Variants in CDH13 observed in about 807,000 individuals in gnomAD.
CDH13 encodes cadherin-13.
Under a neutral mutation model 63.8 loss-of-function variants are expected in CDH13, and 24 were observed. The ratio of observed to expected loss-of-function variants is 0.38; its 90% CI spans 0.27 to 0.53. The LOEUF (loss-of-function observed/expected upper bound fraction) is 0.53. Ranked by LOEUF, CDH13 falls within the 20% of genes least tolerant of loss-of-function variation. The pLI is 0.85. For missense variants in CDH13, 1,049 were observed against 903.1 expected, an observed-to-expected ratio of 1.16 and a Z score of -2.07; for synonymous variants, 503 against 355.3, an observed-to-expected ratio of 1.42 and a Z score of -4.67.
At chr16:83,433,301 G>A (rs2072182636) in intron 6 of CDH13, among the ~76,000 whole-genome samples, 1 of 152,190 alleles carries the variant, frequency 6.6e-6, no homozygotes, top group Non-Finnish European at 1.5e-5. Context: ...ACTGTAAAAT[G>A]AGGGAAATAA....
At chr16:83,496,070 A>T (rs562414560) in intron 7 of CDH13, among the ~76,000 whole-genome samples, 6 of 151,796 alleles carry the variant, frequency 4.0e-5, no homozygotes, top group Non-Finnish European at 8.8e-5. Context: ...ATATCGTGAA[A>T]ATGGCCATAC....
chr16:82,712,660 C>T (rs1039072848), intron 1 of CDH13, among the ~76,000 whole-genome samples: 1 of 152,164 alleles, frequency 6.6e-6, no homozygotes, highest in Non-Finnish European at 1.5e-5. Flanking sequence ...GTTTAATTCC[C>T]CTGCCCCTTT....
intron 6 of CDH13, among the ~76,000 whole-genome samples, chr16:83,447,540 G>A (rs1362597719): frequency 2.0e-5 from 3 of 152,044 alleles, no homozygotes; most frequent in African/African-American, 7.2e-5. Context: ...AAACACCATT[G>A]GTGCTGTTTG....
At chr16:83,663,259 G>A (rs147444288) in intron 8 of CDH13, among the ~76,000 whole-genome samples, 1 of 152,310 alleles carries the variant, frequency 6.6e-6, no homozygotes, top group Non-Finnish European at 1.5e-5. Context: ...TAGTACCACT[G>A]TTTTCAGCAG....
chr16:83,464,971 A>G (rs2073272375), intron 6 of CDH13, among the ~76,000 whole-genome samples: 1 of 152,328 alleles, frequency 6.6e-6, no homozygotes, highest in Non-Finnish European at 1.5e-5. Context: ...ATTGCAGGAT[A>G]TCAAGTCTGG....
chr16:83,555,218 C>T (rs1285831333), intron 7 of CDH13, among the ~76,000 whole-genome samples: 1 of 152,120 alleles, frequency 6.6e-6, no homozygotes, highest in Admixed American at 6.5e-5. Context: ...TTATGGAGAC[C>T]ATGGTTTGTA....
At chr16:82,643,313 T>G (rs1488497308) in intron 1 of CDH13, among the ~76,000 whole-genome samples, 2 of 152,226 alleles carry the variant, frequency 1.3e-5, no homozygotes, top group Non-Finnish European at 2.9e-5. Flanking sequence ...ACCACCTGTC[T>G]TACAGTTGTT....
intron 2 of CDH13, among the ~76,000 whole-genome samples, chr16:82,932,989 T>C (rs2042547575): frequency 6.6e-6 from 1 of 152,196 alleles, no homozygotes; most frequent in Non-Finnish European, 1.5e-5. Flanking sequence ...AATTTTAATA[T>C]CAGTATATTG....
rs182604432 is a variant in CDH13 at position 83,686,399 on chromosome 16, A to G, written c.1538+7938A>G. On this transcript the variant is annotated intron_variant, in intron 10 of 13. Transcript: ENST00000567109. ...TTAGGCACAGGACTAAGACCTTCAG[A>G]CTTTCCACGGGCCTACAAAAATGTC... is the stretch of plus-strand genomic sequence containing the variant. 4.9e-3 allele frequency among the ~76,000 whole-genome samples: 743 copies of G among 152,326 alleles called. 30 individuals are homozygous for G. Among genetic ancestry groups the G allele is most frequent in the Non-Finnish European group, 1.1e-3 (73 of 68,036 alleles).
At chr16:82,792,129 C>T (rs2036337980) in intron 1 of CDH13, among the ~76,000 whole-genome samples, 1 of 152,098 alleles carries the variant, frequency 6.6e-6, no homozygotes. Flanking sequence ...TCACATAAAC[C>T]ATCCATCTCT....
chr16:83,298,656 T>G (rs2151873373), intron 5 of CDH13, among the ~76,000 whole-genome samples: 1 of 152,292 alleles, frequency 6.6e-6, no homozygotes, highest in East Asian at 1.9e-4. Context: ...TAGAAAACCT[T>G]CAAAACAGCA....
intron 6 of CDH13, among the ~76,000 whole-genome samples, chr16:83,406,796 T>C (rs1339680493): frequency 6.6e-6 from 1 of 152,148 alleles, no homozygotes; most frequent in African/African-American, 2.4e-5. Context: ...GAGGATTCTG[T>C]AACAAGCCAG....
intron 6 of CDH13, among the ~76,000 whole-genome samples, chr16:83,484,067 A>G (rs1423631187): frequency 3.9e-5 from 6 of 152,208 alleles, no homozygotes; most frequent in African/African-American, 1.2e-4. Context: ...GGATGGCACC[A>G]TTGGTGAAAA....
At chr16:83,165,241 A>G (rs1348996582) in intron 4 of CDH13, among the ~76,000 whole-genome samples, 2 of 152,118 alleles carry the variant, frequency 1.3e-5, no homozygotes, top group East Asian at 3.8e-4. Flanking sequence ...TACCCCTACA[A>G]CTGATCTGCC....
Position 83,085,506 on chromosome 16 carries a change from C to T in CDH13, c.367-39879C>T, listed in dbSNP as rs555431534. On this transcript the variant is annotated intron_variant, in intron 3 of 13. Coordinates refer to ENST00000567109, the MANE Select transcript of CDH13 (RefSeq NM_001257.5). ...ATGTGGAAAGGGTGAGCCAGCCAGC[C>T]ATGCTTGTCCTCTTTGGAATAAGAA... Among the ~76,000 whole-genome samples the T allele has an allele frequency of 3.3e-5, 5 of 152,246 alleles. No individual in the cohort carries two copies. The South Asian group carries it at 6.2e-4, about 19-fold the overall frequency.
At chr16:83,042,897 T>A (rs1239605719) in intron 3 of CDH13, among the ~76,000 whole-genome samples, 1 of 152,226 alleles carries the variant, frequency 6.6e-6, no homozygotes, top group Non-Finnish European at 1.5e-5. Flanking sequence ...GAGTTAAAGA[T>A]GTGGACACTT....
At chr16:82,671,669 T>A (rs942424603) in intron 1 of CDH13, among the ~76,000 whole-genome samples, 34 of 152,192 alleles carry the variant, frequency 2.2e-4, no homozygotes, top group African/African-American at 8.0e-4. Context: ...AAAATGCTGA[T>A]CTTCGTGAAT....
intron 10 of CDH13, among the ~76,000 whole-genome samples, chr16:83,678,888 G>A (rs572895188): frequency 5.9e-5 from 9 of 152,320 alleles, no homozygotes; most frequent in African/African-American, 1.2e-4. Flanking sequence ...TCGCAGATTC[G>A]TAGAGGTTCG....
Position 83,085,261 on chromosome 16 carries a change from A to G in CDH13, c.367-40124A>G, listed in dbSNP as rs541822153. 8.5e-5 allele frequency among the ~76,000 whole-genome samples: 13 copies of G among 152,286 alleles called. No individual in the cohort carries two copies. In the East Asian group the frequency reaches 2.5e-3, roughly 29 times the overall value. Reference sequence around the variant, plus strand: ...AGCAGAAACCCCTGATAAACCCATCAGATGTCTTGAGATTTATTCACTATC... The same window carrying G: ...AGCAGAAACCCCTGATAAACCCATCGGATGTCTTGAGATTTATTCACTATC... On this transcript the variant is annotated intron_variant, in intron 3 of 13. Transcript: ENST00000567109.
Sources: allele counts gnomAD v4.1 joint callset (sites outside exome capture counted in the v4.1 genomes callset), GRCh38; gene constraint gnomAD v4.1.1; transcripts MANE v1.5; gene names NCBI Gene and HGNC (gene_info 2026-07-23, HGNC 2026-07-21).